Variants in ATP9A observed in about 807,000 individuals in gnomAD.
ATP9A encodes ATPase phospholipid transporting 9A.
A neutral mutation model predicts 144.1 loss-of-function variants in ATP9A; 52 were observed. That is an observed-to-expected ratio of 0.36 (90% CI 0.29 to 0.45). The LOEUF is 0.45. ATP9A is among the 20% of genes least tolerant of loss of function. The pLI, the probability that ATP9A is intolerant of heterozygous loss-of-function variation, is 1.00. For missense variants in ATP9A, 947 were observed against 1,392.7 expected, an observed-to-expected ratio of 0.68 and a Z score of 5.09; for synonymous variants, 582 against 557.4, an observed-to-expected ratio of 1.04 and a Z score of -0.62.
chr20:51,689,322 G>A (rs1026220667), intron 8 of ATP9A, among the ~76,000 whole-genome samples, 183 bp from the exon 9 acceptor site: 1 of 151,948 alleles, frequency 6.6e-6, no homozygotes, highest in Non-Finnish European at 1.5e-5. Flanking sequence ...ACTGCCCTTG[G>A]GGTTTTCATC....
At chr20:51,681,423 A>ATTTT (rs1221909662) in intron 9 of ATP9A, among the ~76,000 whole-genome samples, 3 of 97,628 alleles carry the variant, frequency 3.1e-5, no homozygotes, top group Non-Finnish European at 6.4e-5. Context: ...CCCATCCTAA[A>ATTTT]TTTCTTTTTT....
rs1489894160 is a variant in ATP9A, at chr20:51,599,296, A to ACTTAT, written c.*1914_*1915insATAAG. The ACTTAT allele has an allele frequency of 6.6e-6, 1 of 152,214 alleles. No individual in the cohort carries two copies. The highest frequency in any genetic ancestry group is 1.5e-5 in the Non-Finnish European group (1 of 68,040). 9.4% of individuals were successfully genotyped at this position (152,214 alleles called of 1,614,324 possible). On this transcript the variant is annotated 3_prime_UTR_variant, in exon 28 of 28. Coordinates refer to ENST00000338821, the MANE Select transcript of ATP9A (RefSeq NM_006045.3). ...AAAGTCTAAATGGGACTATCTTAAG[A>ACTTAT]CTTGCCAGTGTTACAGACTGATTTC...
rs1372200326 is a variant in ATP9A at position 51,600,585 on chromosome 20, T to C, written c.*626A>G. Reference sequence around the variant, plus strand: ...ACACTCTCTCTCCCTCTCCTCTCATTTACTGGTTACGATCCCAGGAATCCA... The same window carrying C: ...ACACTCTCTCTCCCTCTCCTCTCATCTACTGGTTACGATCCCAGGAATCCA... On this transcript the variant is annotated 3_prime_UTR_variant, in exon 28 of 28. Coordinates refer to ENST00000338821, the MANE Select transcript of ATP9A (RefSeq NM_006045.3). The C allele has an allele frequency of 1.3e-5, 2 of 152,112 alleles. No individual in the cohort carries two copies. The highest frequency in any genetic ancestry group is 4.8e-5 in the African/African-American group (2 of 41,402). 9.4% of individuals were successfully genotyped at this position (152,112 alleles called of 1,614,324 possible).
intron 13 of ATP9A, among the ~76,000 whole-genome samples, chr20:51,660,913 G>A (rs1204987083): frequency 1.3e-5 from 2 of 152,236 alleles, no homozygotes; most frequent in Non-Finnish European, 2.9e-5. Context: ...GGCAGGTTAT[G>A]ACTCTTTTTG....
intron 15 of ATP9A, among the ~76,000 whole-genome samples, chr20:51,633,985 C>T (rs2426329): frequency 0.43 from 65,748 of 151,730 alleles, 15,240 homozygotes; most frequent in East Asian, 0.68. Context: ...GTTCTAAATG[C>T]CTTAACTGTG....
intron 13 of ATP9A, among the ~76,000 whole-genome samples, chr20:51,665,727 A>G (rs76225728): frequency 6.8e-6 from 1 of 146,512 alleles, no homozygotes; most frequent in Non-Finnish European, 1.5e-5. Flanking sequence ...TTCGTCTCAA[A>G]AAAAAAAAAA....
At chr20:51,728,020 A>G (rs2077723164) in intron 2 of ATP9A, among the ~76,000 whole-genome samples, 1 of 152,124 alleles carries the variant, frequency 6.6e-6, no homozygotes, top group Non-Finnish European at 1.5e-5. Flanking sequence ...GCTAGGTGCT[A>G]GTGTGGTTCT....
chr20:51,751,252 G>GTTT (rs1160458034), intron 1 of ATP9A, among the ~76,000 whole-genome samples: 66 of 131,904 alleles, frequency 5.0e-4, no homozygotes, highest in South Asian at 1.3e-3. Context: ...ACGTTTCTGG[G>GTTT]TTTTTTTTGT....
intron 15 of ATP9A, 98 bp downstream of exon 15, chr20:51,639,245 C>T: frequency 7.7e-7 from 1 of 1,296,288 alleles, no homozygotes; most frequent in Non-Finnish European, 1.1e-6. Context: ...TGACAGATAC[C>T]ACAGTAAAGA....
chr20:51,609,665 G>A (rs1160393749), intron 24 of ATP9A, among the ~76,000 whole-genome samples: 5 of 152,204 alleles, frequency 3.3e-5, no homozygotes, highest in Non-Finnish European at 5.9e-5. Context: ...CGAGGCAGTG[G>A]ACTCTGGCCC....
intron 1 of ATP9A, among the ~76,000 whole-genome samples, chr20:51,743,940 G>A (rs2122892868): frequency 6.6e-6 from 1 of 151,218 alleles, no homozygotes; most frequent in Admixed American, 6.6e-5. Context: ...CCTGGAGGTG[G>A]AGGTTGCAGT....
chr20:51,716,032 G>A (rs566284475), intron 3 of ATP9A, among the ~76,000 whole-genome samples: 68 of 151,962 alleles, frequency 4.5e-4, no homozygotes, highest in African/African-American at 1.5e-3. Context: ...TGGTGGGGGC[G>A]GGTGGGGTGA....
At chr20:51,654,512 TA>T (rs750912810) in intron 14 of ATP9A, among the ~76,000 whole-genome samples, 3,646 of 140,340 alleles carry the variant, frequency 0.026, 73 homozygotes, top group African/African-American at 0.057. Context: ...GTTAAATGTT[TA>T]AAAAAAAAAA....
At chr20:51,715,179 G>T (rs1345140946) in intron 3 of ATP9A, among the ~76,000 whole-genome samples, 1 of 152,114 alleles carries the variant, frequency 6.6e-6, no homozygotes, top group Non-Finnish European at 1.5e-5. Flanking sequence ...CGATTCAAAG[G>T]ACTTTAAATC....
intron 1 of ATP9A, among the ~76,000 whole-genome samples, chr20:51,761,481 G>T (rs1225580134): frequency 3.3e-5 from 5 of 152,170 alleles, no homozygotes; most frequent in Non-Finnish European, 7.4e-5. Flanking sequence ...CACAACTTTG[G>T]CCGGGCGCCG....
chr20:51,743,746 C>A (rs1165719264), intron 1 of ATP9A, among the ~76,000 whole-genome samples: 1 of 122,268 alleles, frequency 8.2e-6, no homozygotes, highest in Non-Finnish European at 1.8e-5. Context: ...ACGGTCGTCA[C>A]GCCTATAATC....
intron 4 of ATP9A, among the ~76,000 whole-genome samples, chr20:51,699,933 G>C (rs924792981): frequency 1.3e-5 from 2 of 152,098 alleles, no homozygotes; most frequent in African/African-American, 4.8e-5. Context: ...GAGCCACTGC[G>C]CCCGGCCAAC....
rs143099278 is a variant in ATP9A, at chr20:51,645,109, A to C, written c.1507-5605T>G. ...TTGAGGAAAGATCAATTACAGCTGT[A>C]TGTAAACATCTTTTAGCCTTGCTTT... On this transcript the variant is annotated intron_variant, in intron 14 of 27. Coordinates refer to ENST00000338821, the MANE Select transcript of ATP9A (RefSeq NM_006045.3). 2.7e-3 allele frequency among the ~76,000 whole-genome samples: 405 copies of C among 152,376 alleles called. 9 individuals are homozygous for C. The highest frequency in any genetic ancestry group is 0.02 in the Middle Eastern group (6 of 294).
chr20:51,694,291 C>T (rs1422801426), intron 6 of ATP9A, among the ~76,000 whole-genome samples, 189 bp from the exon 7 acceptor site: 1 of 152,174 alleles, frequency 6.6e-6, no homozygotes, highest in African/African-American at 2.4e-5. Context: ...GAGTTCAAAT[C>T]CTCACTCCGC....
Sources: gnomAD v4.1 joint callset for allele counts (sites outside exome capture counted in the v4.1 genomes callset) on GRCh38, gnomAD v4.1.1 for gene constraint, MANE v1.5 for transcripts, NCBI Gene and HGNC (gene_info 2026-07-23, HGNC 2026-07-21) for gene names.